The following SPEG variants were observed in gnomAD, a reference collection of about 807,000 sequenced individuals.
SPEG encodes striated muscle enriched protein kinase.
SPEG carries 114 observed loss-of-function variants against 300.4 expected under a neutral mutation model. The observed-to-expected ratio is 0.38, with a 90% CI of 0.33 to 0.44. The LOEUF (loss-of-function observed/expected upper bound fraction) is 0.44, where lower values mean the gene tolerates loss of function less well. Ranked by LOEUF, SPEG falls within the 20% of genes least tolerant of loss-of-function variation. The probability of loss-of-function intolerance (pLI) is 1.00; values close to 1 mark genes in which losing one functional copy is unlikely to be tolerated. For synonymous variants in SPEG, 1,964 were observed against 2,018.9 expected, an observed-to-expected ratio of 0.97 and a Z score of 0.73; for missense variants, 4,201 against 4,586.2, an observed-to-expected ratio of 0.92 and a Z score of 2.43.
rs938939972 is a variant in SPEG, at chr2:219,444,088, C to T, written c.389-565C>T. 2.2e-6 allele frequency: 3 copies of T among 1,356,784 alleles called. No individual in the cohort carries two copies. Among genetic ancestry groups the T allele is most frequent in the African/African-American group, 3.0e-5 (2 of 67,620 alleles). The allele number at this position is 1,356,784 out of a possible 1,614,324, so 84.0% of individuals were successfully genotyped here. On this transcript the variant is annotated intron_variant, in intron 1 of 40. Coordinates refer to ENST00000312358, the MANE Select transcript of SPEG (RefSeq NM_005876.5). This position sits in a 1 kb window ranked among gnomAD's most constrained non-coding sequence, Gnocchi z 7.8. ...GGAAACTGGCTCCTGCTCTAGCCCCCCGCATCCCCCCCTTTCCCACCCGGC... is the reference window on the plus strand; with the variant it reads ...GGAAACTGGCTCCTGCTCTAGCCCCTCGCATCCCCCCCTTTCCCACCCGGC...
Position 219,451,198 on chromosome 2 carries a change from A to C in SPEG, c.2176A>C (p.Ile726Leu). 6.2e-7 allele frequency: 1 copy of C among 1,613,812 alleles called. No homozygotes were observed. Among genetic ancestry groups the C allele is most frequent in the Non-Finnish European group, 8.5e-7 (1 of 1,179,958 alleles). ...GCCCCTAGAGGCCCCTGTGTTTGAG[A>C]TCCCCCTGCAGAATGTGGTGGTGGC... ...EEPLEAPVFE[I>L]PLQNVVVAPG... Residue 726 changes from isoleucine to leucine, a missense_variant, in exon 5 of 41, where the codon ATC becomes CTC. Ile to Leu is a conservative substitution (Grantham distance 5, BLOSUM62 2). This residue lies in a region of SPEG where 1,258 missense variants were observed against 1,293.9 expected (regional missense o/e 0.97). Coordinates refer to ENST00000312358, the MANE Select transcript of SPEG (RefSeq NM_005876.5). The surrounding 1 kb of genome is among the most constrained non-coding windows in gnomAD (Gnocchi z 6.4).
Position 219,489,850 on chromosome 2 carries a change from C to T in SPEG, c.8832C>T (p.Ser2944=), listed in dbSNP as rs1693802575. 3 of 1,612,832 alleles carry T rather than the reference C, an allele frequency of 1.9e-6. No homozygotes were observed. Among genetic ancestry groups the T allele is most frequent in the Non-Finnish European group, 2.5e-6 (3 of 1,179,372 alleles). The change falls in exon 36 of 41, where the codon AGC becomes AGT. Residue 2944 remains serine, a synonymous_variant. Transcript: ENST00000312358. The stretch of plus-strand genomic sequence containing the variant: ...AGGAGGTGGTCAGCTCCCCTGGGAG[C>T]AGTCCCCGAAGCTCTCCCAGGCCTG... ...PAKEVVSSPG[S]SPRSSPRPEG...
intron 6 of SPEG, among the ~76,000 whole-genome samples, chr2:219,454,411 T>TA (rs1365906518): frequency 6.6e-6 from 1 of 152,128 alleles, no homozygotes; most frequent in Non-Finnish European, 1.5e-5. Flanking sequence ...GAAGTGTGCT[T>TA]AACCAAAGCA....
rs762424868 is a variant in SPEG, at chr2:219,466,091, C to G, written c.2882-1083C>G. ...CTCAGGGGGCCACCTGTGCTCCCCC[C>G]GCTACCCTCCGAGCCGCGCCCCTGT... On this transcript the variant is annotated intron_variant, in intron 9 of 40. Transcript: ENST00000312358. 1.1e-5 allele frequency: 18 copies of G among 1,596,980 alleles called. No individual in the cohort carries two copies. In the Middle Eastern group the frequency reaches 5.0e-4, roughly 44 times the overall value.
chr2:219,465,812 T>G (rs1231667703), intron 9 of SPEG: 1 of 598,948 alleles, frequency 1.7e-6, no homozygotes, highest in African/African-American at 1.8e-5. Context: ...CGTGCATGTG[T>G]GCGTGTGCGT....
chr2:219,488,410 G>T, intron 32 of SPEG, 88 bp from the exon 33 acceptor site: 1 of 1,492,130 alleles, frequency 6.7e-7, no homozygotes, highest in Non-Finnish European at 9.1e-7. Context: ...AGCACGGTTA[G>T]GGGGGATGCT....
chr2:219,436,231 G>C (rs1418519176), intron 1 of SPEG, among the ~76,000 whole-genome samples: 1 of 152,248 alleles, frequency 6.6e-6, no homozygotes, highest in Admixed American at 6.5e-5. Flanking sequence ...GAGGCAGAAG[G>C]GGAGGGCAAG....
chr2:219,477,092 A>G lies in SPEG; in HGVS notation c.4560+110A>G. On this transcript the variant is annotated intron_variant, in intron 19 of 40. Transcript: ENST00000312358. This position sits in a 1 kb window ranked among gnomAD's most constrained non-coding sequence, Gnocchi z 6.4. ...GCGGAGCCCGGGCAGAGGCGTGGTT[A>G]GGAGGAGGAAAGGGGCTGCAGAGGA... 9.2e-7 allele frequency: 1 copy of G among 1,087,372 alleles called. No individual in the cohort carries two copies. The highest frequency in any genetic ancestry group is 1.3e-6 in the Non-Finnish European group (1 of 762,474). 67.4% of individuals were successfully genotyped at this position (1,087,372 alleles called of 1,614,324 possible). A position where few individuals can be genotyped will look rare whatever the true frequency, so the allele number is the denominator to read the frequency against.
rs771655056 is a variant in SPEG at position 219,490,783 on chromosome 2, A to G, written c.9212A>G (p.Gln3071Arg). The G allele has an allele frequency of 1.2e-6, 2 of 1,614,118 alleles. No individual in the cohort carries two copies. Among genetic ancestry groups the G allele is most frequent in the Non-Finnish European group, 8.5e-7 (1 of 1,180,026 alleles). Residue 3071 changes from glutamine to arginine, a missense_variant, in exon 38 of 41, where the codon CAA (glutamine) becomes CGA (arginine). Physicochemically the swap from Gln to Arg is conservative, Grantham distance 43. Coordinates refer to ENST00000312358, the MANE Select transcript of SPEG (RefSeq NM_005876.5). ...GCCACTTACATGGTGCAGCTGCTAC[A>G]AGGCCTGGACTACCTCCACGGCCAC... is the stretch of plus-strand genomic sequence containing the variant. ...DVATYMVQLL[Q>R]GLDYLHGHHV...
Position 219,481,599 on chromosome 2 carries a change from TG to T in SPEG, c.5523-38del, listed in dbSNP as rs1190379218. ...GCTCAGTTATTGACTCACTGATGACTGAACGATAAATCCCTTCTTAATCCTC... is the reference window on the plus strand; with the variant it reads ...GCTCAGTTATTGACTCACTGATGACTAACGATAAATCCCTTCTTAATCCTC... On this transcript the variant is annotated intron_variant, in intron 27 of 40. Transcript: ENST00000312358. The surrounding 1 kb of genome is among the most constrained non-coding windows in gnomAD (Gnocchi z 5.4). The T allele has an allele frequency of 1.2e-6, 2 of 1,612,648 alleles. No homozygotes were observed. The highest frequency in any genetic ancestry group is 1.7e-6 in the Non-Finnish European group (2 of 1,178,728).
chr2:219,444,866 C>T lies in SPEG; in HGVS notation c.520C>T (p.Pro174Ser), dbSNP rs779083024. ...TLVGTSLDTPPTSVTGTSEEQ... is the reference protein window; with the variant it reads ...TLVGTSLDTPSTSVTGTSEEQ... ...GGTGGGCACCTCCCTGGACACACCC[C>T]CGACCTCCGTGACAGGCACCTCAGA... Residue 174 changes from proline to serine, a missense_variant, in exon 3 of 41, where the codon CCG becomes TCG. This residue lies in a region of SPEG where 1,258 missense variants were observed against 1,293.9 expected (regional missense o/e 0.97). Coordinates refer to ENST00000312358, the MANE Select transcript of SPEG (RefSeq NM_005876.5). The surrounding 1 kb of genome is among the most constrained non-coding windows in gnomAD (Gnocchi z 7.8). 3 of 1,570,752 alleles carry T rather than the reference C, an allele frequency of 1.9e-6. No homozygotes were observed. In the African/African-American group the frequency reaches 4.1e-5, roughly 21 times the overall value.
chr2:219,465,958 CGT>C (rs1691295320), intron 9 of SPEG: 1 of 999,092 alleles, frequency 1.0e-6, no homozygotes, highest in Non-Finnish European at 1.5e-6. Context: ...TGCATGTGTG[CGT>C]GTGCATGCGT....
Position 219,484,947 on chromosome 2 carries a change from C to T in SPEG, c.7484C>T (p.Thr2495Met), listed in dbSNP as rs1046091136. Residue 2495 changes from threonine (T) to methionine (M), a missense_variant, in exon 30 of 41, where the codon ACG becomes ATG. Thr to Met is a moderately conservative substitution (Grantham distance 81). Coordinates refer to ENST00000312358, the MANE Select transcript of SPEG (RefSeq NM_005876.5). Reference protein sequence around the residue: ...TPLFGRLRRATSEGESLRRLG... With the variant: ...TPLFGRLRRAMSEGESLRRLG... ...CTGTTCGGACGGCTTCGCAGGGCCA[C>T]GTCCGAGGGCGAGAGTCTGCGGCGC... 2.6e-6 allele frequency: 4 copies of T among 1,529,438 alleles called. No individual in the cohort carries two copies. The South Asian group carries it at 3.6e-5, about 14-fold the overall frequency. 94.7% of individuals were successfully genotyped at this position (1,529,438 alleles called of 1,614,324 possible). A position where few individuals can be genotyped will look rare whatever the true frequency, so the allele number is the denominator to read the frequency against.
intron 18 of SPEG, 116 bp downstream of exon 18, chr2:219,474,019 G>A (rs1366446121): frequency 2.0e-6 from 2 of 1,012,392 alleles, no homozygotes; most frequent in Admixed American, 5.2e-5. Context: ...ATGTCCTCTG[G>A]TCAGGCCTGT....
intron 1 of SPEG, among the ~76,000 whole-genome samples, chr2:219,442,707 C>T (rs2125228961): frequency 6.7e-6 from 1 of 149,148 alleles, no homozygotes; most frequent in East Asian, 2.0e-4. Context: ...TCAAGCACCC[C>T]GCCCCCCGCA....
chr2:219,450,713 G>A (rs1689677569), intron 4 of SPEG: 1 of 154,496 alleles, frequency 6.5e-6, no homozygotes, highest in South Asian at 2.1e-4. Context: ...TGACACCGCT[G>A]TTATTGCTTA....
Position 219,467,448 on chromosome 2 carries a change from C to T in SPEG, c.3142+14C>T, listed in dbSNP as rs766690233. 6.3e-7 allele frequency: 1 copy of T among 1,589,492 alleles called. No homozygotes were observed. The highest frequency in any genetic ancestry group is 8.6e-7 in the Non-Finnish European group (1 of 1,164,866). On this transcript the variant is annotated intron_variant, in intron 10 of 40. Transcript: ENST00000312358. ...GCACGGCCAAAGGTAACTCCCCACTCAGGCATTGGGCTGCCGTGGGTGCCC... is the reference window on the plus strand; with the variant it reads ...GCACGGCCAAAGGTAACTCCCCACTTAGGCATTGGGCTGCCGTGGGTGCCC...
chr2:219,441,655 C>G, intron 1 of SPEG: 1 of 458,132 alleles, frequency 2.2e-6, no homozygotes, highest in South Asian at 1.6e-5. Flanking sequence ...GAGGCCATTG[C>G]ACCCCTTTCT....
rs985829634 is a variant in SPEG, at chr2:219,439,376, G to A, written c.388+4011G>A. 4.6e-5 allele frequency among the ~76,000 whole-genome samples: 7 copies of A among 152,108 alleles called. No individual in the cohort carries two copies. Among genetic ancestry groups the A allele is most frequent in the African/African-American group, 1.7e-4 (7 of 41,420 alleles). ...AGGGGATAACTTTCTAGTGAGGGGA[G>A]ACAGACAATACACAATAAACATAGT... is the stretch of plus-strand genomic sequence containing the variant. On this transcript the variant is annotated intron_variant, in intron 1 of 40. Coordinates refer to ENST00000312358, the MANE Select transcript of SPEG (RefSeq NM_005876.5). The surrounding 1 kb of genome is among the most constrained non-coding windows in gnomAD (Gnocchi z 4.5).
Sources: allele counts gnomAD v4.1 joint callset (sites outside exome capture counted in the v4.1 genomes callset), GRCh38; gene constraint gnomAD v4.1.1; regional missense constraint gnomAD v4.1.1; non-coding constraint Gnocchi (gnomAD v3.1); transcripts MANE v1.5; gene names NCBI Gene and HGNC (gene_info 2026-07-23, HGNC 2026-07-21).